The following PHLPP1 variants were observed in gnomAD, a reference collection of about 807,000 sequenced individuals.
The protein encoded by PHLPP1 is PH domain leucine-rich repeat-containing protein phosphatase 1.
In PHLPP1, 42 loss-of-function variants were observed where a neutral mutation model predicts 117.2. The observed-to-expected ratio is 0.36, with a 90% CI of 0.28 to 0.46. PHLPP1 has a LOEUF of 0.46. Among genes scored for constraint, PHLPP1 ranks in the 20% least tolerant of loss-of-function variants. The probability of loss-of-function intolerance (pLI) is 1.00; values close to 1 mark genes in which losing one functional copy is unlikely to be tolerated. For synonymous variants in PHLPP1, 1,042 were observed against 970.7 expected (o/e 1.07, Z -1.37); for missense variants, 2,084 against 2,241.9 (o/e 0.93, Z 1.42).
At chr18:62,723,581 C>T (rs117644332) in intron 1 of PHLPP1, among the ~76,000 whole-genome samples, 281 of 152,242 alleles carry the variant, frequency 1.8e-3, no homozygotes, top group Non-Finnish European at 2.7e-3. Context: ...TTTCATATAC[C>T]TGCCTCAGTT....
chr18:62,897,857 A>G (rs1281480135), intron 6 of PHLPP1, among the ~76,000 whole-genome samples: 1 of 152,162 alleles, frequency 6.6e-6, no homozygotes, highest in Non-Finnish European at 1.5e-5. Context: ...ATTTAAGGAG[A>G]GTCTTGCTTA....
rs141596887 is a variant in PHLPP1, at chr18:62,889,892, T to G, written c.2067-5119T>G. Reference sequence around the variant, plus strand: ...TTTATATTCTTTTTTGTACTCAGTCTTTGAAATCTACTCTATATTTTGTAT... The same window carrying G: ...TTTATATTCTTTTTTGTACTCAGTCGTTGAAATCTACTCTATATTTTGTAT... On this transcript the variant is annotated intron_variant, in intron 4 of 16. Coordinates refer to ENST00000262719, the MANE Select transcript of PHLPP1 (RefSeq NM_194449.4). Among the ~76,000 whole-genome samples the G allele has an allele frequency of 1.4e-3, 207 of 152,360 alleles. 1 individual carries two copies. The highest frequency in any genetic ancestry group is 4.6e-3 in the African/African-American group (192 of 41,592).
At position 62,876,205 on chromosome 18, in the gene PHLPP1, G is replaced by A. The variant is rs770862125; in HGVS notation, c.2066+15604G>A. 8.2e-4 allele frequency among the ~76,000 whole-genome samples: 125 copies of A among 152,146 alleles called. 1 individual carries two copies. Among genetic ancestry groups the A allele is most frequent in the Non-Finnish European group, 1.6e-3 (109 of 67,988 alleles). On this transcript the variant is annotated intron_variant, in intron 4 of 16. Transcript: ENST00000262719. ...GGAGATACTAGTTTTAAAATGGACCGTATGAAACTGGACTTCTAAAAAAAA... is the reference window on the plus strand; with the variant it reads ...GGAGATACTAGTTTTAAAATGGACCATATGAAACTGGACTTCTAAAAAAAA...
chr18:62,801,064 C>T (rs1431663164), intron 1 of PHLPP1, among the ~76,000 whole-genome samples: 1 of 90,902 alleles, frequency 1.1e-5, no homozygotes, highest in Non-Finnish European at 2.4e-5. Flanking sequence ...TCCCTCCCTC[C>T]CTCCTTCCCT....
intron 1 of PHLPP1, among the ~76,000 whole-genome samples, chr18:62,822,265 G>GTTTTTTTTTTTTTGT (rs1914481548): frequency 8.6e-6 from 1 of 116,180 alleles, no homozygotes; most frequent in African/African-American, 2.9e-5. Context: ...AGAAAATAGT[G>GTTTTTTTTTTTTTGT]TTTTTTTTTT....
In PHLPP1 at chr18:62,798,384, T is replaced by C. The variant is rs776401749; in HGVS notation, c.1577-31651T>C. ...CTTGCATCTTTCTTAAATTTTTCTTTGAAAATGACCAAAATACACAATCCT... is the reference window on the plus strand; with the variant it reads ...CTTGCATCTTTCTTAAATTTTTCTTCGAAAATGACCAAAATACACAATCCT... On this transcript the variant is annotated intron_variant, in intron 1 of 16. Transcript: ENST00000262719. Among the ~76,000 whole-genome samples, 232 of 152,316 alleles carry C rather than the reference T, an allele frequency of 1.5e-3. 1 individual carries two copies. Among genetic ancestry groups the C allele is most frequent in the Non-Finnish European group, 2.6e-3 (176 of 68,032 alleles).
intron 4 of PHLPP1, among the ~76,000 whole-genome samples, chr18:62,882,902 CTATT>C (rs1356054336): frequency 6.9e-6 from 1 of 145,148 alleles, no homozygotes; most frequent in Admixed American, 7.0e-5. Flanking sequence ...TTGATTTTAT[CTATT>C]TATGTATTTA....
chr18:62,829,209 G>GT (rs1364089127), intron 1 of PHLPP1, among the ~76,000 whole-genome samples: 4 of 151,846 alleles, frequency 2.6e-5, no homozygotes, highest in African/African-American at 9.7e-5. Context: ...AAATAATAGT[G>GT]TTTTTTTAAG....
chr18:62,744,031 CAT>C (rs1366524842), intron 1 of PHLPP1, among the ~76,000 whole-genome samples: 9 of 152,212 alleles, frequency 5.9e-5, no homozygotes, highest in Non-Finnish European at 1.3e-4. Context: ...CCGTGGGACA[CAT>C]GTGGCTCACA....
At chr18:62,897,724 C>T (rs975701017) in intron 6 of PHLPP1, among the ~76,000 whole-genome samples, 1 of 152,144 alleles carries the variant, frequency 6.6e-6, no homozygotes, top group African/African-American at 2.4e-5. Context: ...CCAGACTGGT[C>T]TTGAACTCCT....
chr18:62,930,218 T>C (rs1909766588), intron 10 of PHLPP1, among the ~76,000 whole-genome samples: 1 of 152,158 alleles, frequency 6.6e-6, no homozygotes, highest in African/African-American at 2.4e-5. Context: ...AGGCATAATA[T>C]ATATCCTATA....
At chr18:62,799,947 G>A (rs187921647) in intron 1 of PHLPP1, among the ~76,000 whole-genome samples, 277 of 152,282 alleles carry the variant, frequency 1.8e-3, no homozygotes, top group African/African-American at 6.5e-3. Flanking sequence ...TTGGGGAACT[G>A]CAAGGTTTAG....
At chr18:62,763,531 C>T (rs1447812880) in intron 1 of PHLPP1, among the ~76,000 whole-genome samples, 7 of 152,190 alleles carry the variant, frequency 4.6e-5, no homozygotes, top group African/African-American at 1.7e-4. Context: ...ACTGCTGTCG[C>T]TCATCGCACC....
intron 4 of PHLPP1, among the ~76,000 whole-genome samples, chr18:62,885,486 C>T (rs1384815779): frequency 2.0e-5 from 3 of 152,046 alleles, no homozygotes; most frequent in Non-Finnish European, 4.4e-5. Context: ...ATGGTGAAAC[C>T]CTGTCTCTAC....
At chr18:62,734,342 A>T (rs755066018) in intron 1 of PHLPP1, among the ~76,000 whole-genome samples, 49 of 152,198 alleles carry the variant, frequency 3.2e-4, no homozygotes, top group Non-Finnish European at 5.4e-4. Context: ...AGGAATTTTT[A>T]AAAAAACCTC....
intron 15 of PHLPP1, 114 bp downstream of exon 15, chr18:62,972,822 G>T (rs1911091977): frequency 1.3e-6 from 1 of 778,092 alleles, no homozygotes; most frequent in Admixed American, 2.6e-5. Flanking sequence ...TTTTGACTAT[G>T]AGTACCAAGA....
chr18:62,850,649 C>G (rs947789250), intron 3 of PHLPP1, among the ~76,000 whole-genome samples: 2 of 152,120 alleles, frequency 1.3e-5, no homozygotes, highest in African/African-American at 4.8e-5. Flanking sequence ...ATTTGATCTC[C>G]ACCCAAGTTG....
intron 3 of PHLPP1, among the ~76,000 whole-genome samples, chr18:62,842,581 C>T (rs539480089): frequency 6.6e-6 from 1 of 151,972 alleles, no homozygotes; most frequent in Non-Finnish European, 1.5e-5. Context: ...CCAGGCTGGT[C>T]TTGAACTCCT....
At chr18:62,897,027 T>C (rs991163020) in intron 6 of PHLPP1, among the ~76,000 whole-genome samples, 2 of 152,246 alleles carry the variant, frequency 1.3e-5, no homozygotes, top group Non-Finnish European at 2.9e-5. Flanking sequence ...ACTTGCTTTC[T>C]AAATTGTTAA....
Sources: gnomAD v4.1 joint callset for allele counts (sites outside exome capture counted in the v4.1 genomes callset) on GRCh38, gnomAD v4.1.1 for gene constraint, MANE v1.5 for transcripts, NCBI Gene and HGNC (gene_info 2026-07-23, HGNC 2026-07-21) for gene names.